CTDSP2: variants seen among roughly 807,000 people sequenced by gnomAD.
CTDSP2 encodes CTD small phosphatase 2.
In CTDSP2, 9 loss-of-function variants were observed where a neutral mutation model predicts 31.6. The ratio of observed to expected loss-of-function variants is 0.28; its 90% CI spans 0.17 to 0.50. The LOEUF (loss-of-function observed/expected upper bound fraction) is 0.50. Among genes scored for constraint, CTDSP2 ranks in the 20% least tolerant of loss-of-function variants. The pLI is 0.98. For missense variants in CTDSP2, 267 were observed against 348.5 expected (o/e 0.77, Z 1.86); for synonymous variants, 134 against 134.5 (o/e 1.00, Z 0.03).
chr12:57,842,599 C>T (rs527665710), intron 1 of CTDSP2: 1 of 152,388 alleles, frequency 6.6e-6, no homozygotes, highest in Admixed American at 6.5e-5. Context: ...GGAGCAAACA[C>T]AAGCTTAAGT....
In CTDSP2 at chr12:57,822,485, A is replaced by G. The variant is rs1301599318; in HGVS notation, c.*1117T>C. On this transcript the variant is annotated 3_prime_UTR_variant, in exon 8 of 8. Transcript: ENST00000398073. ...AACAGCCAGGAAGGATGAAGGCTGG[A>G]ACAGACAGAGCTCGGTACAGGACAG... The G allele has an allele frequency of 1.3e-5, 2 of 152,518 alleles. No individual in the cohort carries two copies. Among genetic ancestry groups the G allele is most frequent in the South Asian group, 4.1e-4 (2 of 4,830 alleles). 9.4% of individuals were successfully genotyped at this position (152,518 alleles called of 1,614,324 possible). A position where few individuals can be genotyped will look rare whatever the true frequency, so the allele number is the denominator to read the frequency against.
At chr12:57,834,573 C>T (rs1447054796) in intron 1 of CTDSP2, among the ~76,000 whole-genome samples, 4 of 152,180 alleles carry the variant, frequency 2.6e-5, no homozygotes, top group Admixed American at 2.6e-4. Flanking sequence ...GAGCTTTGGT[C>T]CAAGACCTGC....
rs951822634 is a variant in CTDSP2, at chr12:57,824,167, C to T, written c.504+60G>A. 31 of 1,609,024 alleles carry T rather than the reference C, an allele frequency of 1.9e-5. No individual in the cohort carries two copies. The South Asian group carries it at 2.9e-4, about 15-fold the overall frequency. ...AACCCTAGGGACCAAAAGGGAGCTGCTGGACCACCCCCGTGGCCACCACAC... is the reference window on the plus strand; with the variant it reads ...AACCCTAGGGACCAAAAGGGAGCTGTTGGACCACCCCCGTGGCCACCACAC... On this transcript the variant is annotated intron_variant, in intron 6 of 7. Coordinates refer to ENST00000398073, the MANE Select transcript of CTDSP2 (RefSeq NM_005730.4).
chr12:57,823,855 C>T, intron 7 of CTDSP2, 49 bp downstream of exon 7: 1 of 1,609,998 alleles, frequency 6.2e-7, no homozygotes, highest in South Asian at 1.1e-5. Flanking sequence ...CAGTTCCAGT[C>T]TGCTTCCTCT....
Position 57,827,086 on chromosome 12 carries a change from G to C in CTDSP2, c.264C>G (p.Thr88=), listed in dbSNP as rs762352757. The C allele has an allele frequency of 1.1e-5, 18 of 1,613,264 alleles. No homozygotes were observed. The Admixed American group carries it at 3.0e-4, about 27-fold the overall frequency. The part of the protein sequence containing the change: ...LQYQFYQIPG[T]CLLPEVTEED... Reference sequence around the variant, plus strand: ...CCTCTGTCACCTCTGGGAGCAGGCAGGTCCCTGGGATCTAAAACCAAGCCA... The same window carrying C: ...CCTCTGTCACCTCTGGGAGCAGGCACGTCCCTGGGATCTAAAACCAAGCCA... The change falls in exon 4 of 8, where the codon ACC becomes ACG. Residue 88 remains threonine (T), a synonymous_variant. Coordinates refer to ENST00000398073, the MANE Select transcript of CTDSP2 (RefSeq NM_005730.4).
intron 2 of CTDSP2, among the ~76,000 whole-genome samples, chr12:57,828,758 A>C (rs1956198300): frequency 6.6e-6 from 1 of 152,256 alleles, no homozygotes; most frequent in Non-Finnish European, 1.5e-5. Flanking sequence ...AAAAGGAAGG[A>C]CAACCAGACC....
In CTDSP2 at chr12:57,822,727, AC is replaced by A. The variant is rs1283522408; in HGVS notation, c.*874del. Reference sequence around the variant, plus strand: ...TTTGAGGATTTGTCTTTTCCCTGCAACCCCAGCGCCGCCGACATTCATTACA... The same window carrying A: ...TTTGAGGATTTGTCTTTTCCCTGCAACCCAGCGCCGCCGACATTCATTACA... On this transcript the variant is annotated 3_prime_UTR_variant, in exon 8 of 8. Coordinates refer to ENST00000398073, the MANE Select transcript of CTDSP2 (RefSeq NM_005730.4). The A allele has an allele frequency of 6.6e-6, 1 of 152,248 alleles. No individual in the cohort carries two copies. The highest frequency in any genetic ancestry group is 1.5e-5 in the Non-Finnish European group (1 of 68,064). The allele number at this position is 152,248 out of a possible 1,614,324, so 9.4% of individuals were successfully genotyped here.
At chr12:57,830,233 AAAT>A (rs1228110735) in intron 1 of CTDSP2, among the ~76,000 whole-genome samples, 2 of 152,098 alleles carry the variant, frequency 1.3e-5, no homozygotes, top group African/African-American at 2.4e-5. Context: ...AAAATACAAA[AAAT>A]TAGCCAGGTG....
chr12:57,824,236 G>T lies in CTDSP2; in HGVS notation c.495C>A (p.Ser165Arg). ...ELFECVLFTASLAKYADPVTD... is the reference protein window; with the variant it reads ...ELFECVLFTARLAKYADPVTD... ...TCTCACCCCTAGGTACCTTGGCCAG[G>T]CTGGCAGTGAAGAGAACACATTCAA... Residue 165 changes from serine (S) to arginine (R), a missense_variant, in exon 6 of 8, where the codon AGC (serine) becomes AGA (arginine). This residue lies in a region of CTDSP2 where 156 missense variants were observed against 241.3 expected (regional missense o/e 0.65). Coordinates refer to ENST00000398073, the MANE Select transcript of CTDSP2 (RefSeq NM_005730.4). 6.2e-7 allele frequency: 1 copy of T among 1,614,008 alleles called. No homozygotes were observed. The highest frequency in any genetic ancestry group is 8.5e-7 in the Non-Finnish European group (1 of 1,179,902).
Position 57,846,477 on chromosome 12 carries a change from G to A in CTDSP2, c.-42C>T, listed in dbSNP as rs1278429337. 3.3e-6 allele frequency: 5 copies of A among 1,526,762 alleles called. No individual in the cohort carries two copies. In the East Asian group the frequency reaches 1.0e-4, roughly 32 times the overall value. 94.6% of individuals were successfully genotyped at this position (1,526,762 alleles called of 1,614,324 possible). On this transcript the variant is annotated 5_prime_UTR_variant, in exon 1 of 8. Transcript: ENST00000398073. ...CCCGGGCTGGCTGGGCGGGAGGACGGGCGGGCGCGCGGGCTGGGCTGGGCT... is the reference window on the plus strand; with the variant it reads ...CCCGGGCTGGCTGGGCGGGAGGACGAGCGGGCGCGCGGGCTGGGCTGGGCT...
At chr12:57,833,883 C>G (rs1203482383) in intron 1 of CTDSP2, among the ~76,000 whole-genome samples, 1 of 152,224 alleles carries the variant, frequency 6.6e-6, no homozygotes, top group Non-Finnish European at 1.5e-5. Flanking sequence ...TGTGCCAGGT[C>G]TGCGTTAGAC....
chr12:57,840,494 A>G (rs1459637932), intron 1 of CTDSP2, among the ~76,000 whole-genome samples: 2 of 152,198 alleles, frequency 1.3e-5, no homozygotes, highest in African/African-American at 4.8e-5. Flanking sequence ...CTCTACCTGC[A>G]GGCCCCTGTT....
intron 1 of CTDSP2, among the ~76,000 whole-genome samples, chr12:57,835,388 C>T (rs1308589010): frequency 1.3e-5 from 2 of 151,872 alleles, no homozygotes; most frequent in Non-Finnish European, 1.5e-5. Context: ...AACTCCTGGG[C>T]TCAAGCAATC....
chr12:57,827,514 C>A, intron 3 of CTDSP2, 38 bp downstream of exon 3: 1 of 1,611,638 alleles, frequency 6.2e-7, no homozygotes, highest in Non-Finnish European at 8.5e-7. Context: ...ATCACAGGAT[C>A]CTGGCTTCTG....
In CTDSP2 at chr12:57,828,245, C is replaced by T. The variant is rs1956195031; in HGVS notation, c.214-655G>A. Among the ~76,000 whole-genome samples the T allele has an allele frequency of 2.0e-5, 3 of 152,268 alleles. No homozygotes were observed. The South Asian group carries it at 6.2e-4, about 32-fold the overall frequency. ...GACCAGCCTGATCAACATGGAGAAA[C>T]TCCGTCTCTACTAAAAATACAAAAT... is the stretch of plus-strand genomic sequence containing the variant. On this transcript the variant is annotated intron_variant, in intron 2 of 7. Transcript: ENST00000398073.
chr12:57,826,289 A>T lies in CTDSP2; in HGVS notation c.411+57T>A, dbSNP rs2140474247. The T allele has an allele frequency of 4.0e-6, 6 of 1,514,400 alleles. No individual in the cohort carries two copies. The East Asian group carries it at 1.4e-4, about 34-fold the overall frequency. The allele number at this position is 1,514,400 out of a possible 1,614,324, so 93.8% of individuals were successfully genotyped here. A position where few individuals can be genotyped will look rare whatever the true frequency, so the allele number is the denominator to read the frequency against. On this transcript the variant is annotated intron_variant, in intron 5 of 7. Coordinates refer to ENST00000398073, the MANE Select transcript of CTDSP2 (RefSeq NM_005730.4). ...TGGGTGGAGGACCCCAGTACAGGTG[A>T]GGCAGAAGGCAGACCCCCCACCCTC...
rs1446623816 is a variant in CTDSP2 at position 57,823,707 on chromosome 12, A to C, written c.711T>G (p.Phe237Leu). Residue 237 changes from phenylalanine to leucine, a missense_variant, in exon 8 of 8, where the codon TTT (phenylalanine) becomes TTG (leucine). This residue lies in a region of CTDSP2 where 156 missense variants were observed against 241.3 expected (regional missense o/e 0.65). Coordinates refer to ENST00000398073, the MANE Select transcript of CTDSP2 (RefSeq NM_005730.4). ...PENAVPVQSW[F>L]DDMADTELLN... ...GCAACTCAGTGTCTGCCATGTCATC[A>C]AACCAGGACTGCACAGGCACCTGGT... The C allele has an allele frequency of 1.9e-6, 3 of 1,614,044 alleles. No homozygotes were observed. The Admixed American group carries it at 5.0e-5, about 27-fold the overall frequency.
At chr12:57,832,590 G>C (rs1956222309) in intron 1 of CTDSP2, among the ~76,000 whole-genome samples, 1 of 151,822 alleles carries the variant, frequency 6.6e-6, no homozygotes, top group South Asian at 2.1e-4. Flanking sequence ...TCAGGAGTTC[G>C]AGACCAGCCT....
rs977046498 is a variant in CTDSP2 at position 57,822,198 on chromosome 12, C to T, written c.*1404G>A. The T allele has an allele frequency of 6.6e-6, 1 of 152,438 alleles. No individual in the cohort carries two copies. The highest frequency in any genetic ancestry group is 1.9e-4 in the East Asian group (1 of 5,190). 9.4% of individuals were successfully genotyped at this position (152,438 alleles called of 1,614,324 possible). On this transcript the variant is annotated 3_prime_UTR_variant, in exon 8 of 8. Transcript: ENST00000398073. The stretch of plus-strand genomic sequence containing the variant: ...GAGGTGGGGCTCCTTTTTGGGAGGC[C>T]CCTTGTGCTCCCAATTACAGCAGCA...
Sources: gnomAD v4.1 joint callset for allele counts (sites outside exome capture counted in the v4.1 genomes callset) on GRCh38, gnomAD v4.1.1 for gene constraint, gnomAD v4.1.1 regional missense constraint, MANE v1.5 for transcripts, NCBI Gene and HGNC (gene_info 2026-07-23, HGNC 2026-07-21) for gene names.